SLC25A13: variants seen among roughly 807,000 people sequenced by gnomAD.
SLC25A13 encodes electrogenic aspartate/glutamate antiporter SLC25A13, mitochondrial.
SLC25A13 carries 70 observed loss-of-function variants against 85.5 expected under a neutral mutation model. The ratio of observed to expected loss-of-function variants is 0.82; its 90% CI spans 0.68 to 1.00. The LOEUF (loss-of-function observed/expected upper bound fraction) is 1.00. Among genes scored for constraint, SLC25A13 ranks in the 50% least tolerant of loss-of-function variants. SLC25A13 has a pLI of 0.00. For synonymous variants in SLC25A13, 259 were observed against 288.7 expected, an observed-to-expected ratio of 0.90 and a Z score of 1.04; for missense variants, 765 against 819.8, an observed-to-expected ratio of 0.93 and a Z score of 0.82.
chr7:96,271,684 G>A (rs1798243073), intron 3 of SLC25A13, among the ~76,000 whole-genome samples: 1 of 151,898 alleles, frequency 6.6e-6, no homozygotes, highest in Non-Finnish European at 1.5e-5. Flanking sequence ...ACAAGCTTTT[G>A]AGAAAATACA....
At chr7:96,286,189 C>G (rs1798878886) in intron 2 of SLC25A13, among the ~76,000 whole-genome samples, 2 of 149,962 alleles carry the variant, frequency 1.3e-5, no homozygotes, top group African/African-American at 4.9e-5. Context: ...GAGGCTGAGG[C>G]AGGAGGATGG....
At chr7:96,177,360 T>C (rs1794261733) in intron 11 of SLC25A13, among the ~76,000 whole-genome samples, 1 of 152,176 alleles carries the variant, frequency 6.6e-6, no homozygotes, top group Non-Finnish European at 1.5e-5. Flanking sequence ...TGAAATAAAA[T>C]ATTATAGTTA....
intron 1 of SLC25A13, among the ~76,000 whole-genome samples, chr7:96,297,533 C>T (rs1327419233): frequency 1.3e-5 from 2 of 151,998 alleles, no homozygotes; most frequent in African/African-American, 4.8e-5. Flanking sequence ...AGGGTTTCAC[C>T]ATGTTGGCCA....
At chr7:96,193,897 C>T (rs1794954462) in intron 5 of SLC25A13, among the ~76,000 whole-genome samples, 1 of 152,182 alleles carries the variant, frequency 6.6e-6, no homozygotes, top group South Asian at 2.1e-4. Flanking sequence ...GTAAACCTGT[C>T]ATGGTATCAT....
chr7:96,207,109 G>C (rs1371112188), intron 5 of SLC25A13, among the ~76,000 whole-genome samples: 1 of 152,116 alleles, frequency 6.6e-6, no homozygotes, highest in Non-Finnish European at 1.5e-5. Flanking sequence ...TACGTAAGTA[G>C]GTTTATGTTT....
chr7:96,278,783 C>T (rs1440793781), intron 2 of SLC25A13, among the ~76,000 whole-genome samples: 1 of 152,116 alleles, frequency 6.6e-6, no homozygotes, highest in Non-Finnish European at 1.5e-5. Flanking sequence ...TACTATTCTT[C>T]AGTTAGCATT....
At chr7:96,138,959 C>T (rs1025688362) in intron 14 of SLC25A13, among the ~76,000 whole-genome samples, 3 of 152,050 alleles carry the variant, frequency 2.0e-5, no homozygotes, top group Non-Finnish European at 4.4e-5. Context: ...AGGTTGTTGA[C>T]CACACAGCAT....
At chr7:96,312,402 ATATTAT>A (rs1460686641) in intron 1 of SLC25A13, among the ~76,000 whole-genome samples, 3 of 152,136 alleles carry the variant, frequency 2.0e-5, no homozygotes, top group Admixed American at 1.3e-4. Context: ...ACATATGCTA[ATATTAT>A]TATTATTATT....
intron 1 of SLC25A13, chr7:96,309,712 T>G (rs554112713): frequency 7.6e-4 from 116 of 152,212 alleles, no homozygotes; most frequent in African/African-American, 2.7e-3. Flanking sequence ...ACAAAATAAA[T>G]CAGCAGCAAA....
At chr7:96,299,857 A>G (rs1354884948) in intron 1 of SLC25A13, among the ~76,000 whole-genome samples, 1 of 152,202 alleles carries the variant, frequency 6.6e-6, no homozygotes, top group African/African-American at 2.4e-5. Flanking sequence ...ATGTTCCTAT[A>G]CTGATTACTG....
intron 11 of SLC25A13, among the ~76,000 whole-genome samples, chr7:96,178,659 A>T (rs776661523): frequency 7.9e-5 from 12 of 151,978 alleles, no homozygotes; most frequent in Non-Finnish European, 1.8e-4. Context: ...TGCTTTCAAC[A>T]TCAGATTAAC....
chr7:96,237,315 G>A (rs78204068), intron 3 of SLC25A13, among the ~76,000 whole-genome samples: 122 of 152,258 alleles, frequency 8.0e-4, no homozygotes, highest in African/African-American at 2.9e-3. Context: ...AGGAGGGAAG[G>A]GTAGAGAGAG....
intron 11 of SLC25A13, among the ~76,000 whole-genome samples, chr7:96,176,646 CA>C (rs1794234185): frequency 6.6e-6 from 1 of 152,192 alleles, no homozygotes; most frequent in African/African-American, 2.4e-5. Flanking sequence ...AAGCCCAGAT[CA>C]GGGGTCTCCA....
chr7:96,150,841 G>C (rs1477561890), intron 13 of SLC25A13, among the ~76,000 whole-genome samples: 1 of 151,970 alleles, frequency 6.6e-6, no homozygotes, highest in Non-Finnish European at 1.5e-5. Context: ...TGTTTTGGTA[G>C]CACTAGCAAA....
chr7:96,228,205 G>C (rs988520445), intron 4 of SLC25A13, among the ~76,000 whole-genome samples: 1 of 152,148 alleles, frequency 6.6e-6, no homozygotes, highest in African/African-American at 2.4e-5. Context: ...ATCCACAAAA[G>C]AAAATGCTGA....
intron 4 of SLC25A13, among the ~76,000 whole-genome samples, chr7:96,214,285 ATCT>A (rs1176239777): frequency 2.6e-5 from 4 of 152,314 alleles, no homozygotes; most frequent in African/African-American, 9.6e-5. Context: ...TGGGTCACAG[ATCT>A]TATATACAGA....
At chr7:96,290,887 A>G (rs1276859235) in intron 2 of SLC25A13, among the ~76,000 whole-genome samples, 1 of 152,174 alleles carries the variant, frequency 6.6e-6, no homozygotes, top group Non-Finnish European at 1.5e-5. Context: ...GAAAGTTAAC[A>G]AGGATATCCA....
At chr7:96,176,292 G>A (rs1794218390) in intron 11 of SLC25A13, among the ~76,000 whole-genome samples, 1 of 152,148 alleles carries the variant, frequency 6.6e-6, no homozygotes, top group African/African-American at 2.4e-5. Flanking sequence ...TGTTTCTGTT[G>A]GGTCCTGGAA....
At chr7:96,231,757 C>A (rs1395005307) in intron 4 of SLC25A13, among the ~76,000 whole-genome samples, 4 of 150,810 alleles carry the variant, frequency 2.7e-5, no homozygotes, top group Non-Finnish European at 3.0e-5. Context: ...AGTAGGCAAA[C>A]AACATGAACA....
Sources: gnomAD v4.1 joint callset for allele counts (sites outside exome capture counted in the v4.1 genomes callset) on GRCh38, gnomAD v4.1.1 for gene constraint, MANE v1.5 for transcripts, NCBI Gene and HGNC (gene_info 2026-07-23, HGNC 2026-07-21) for gene names.